Variants in ZNF425 observed in about 807,000 individuals in gnomAD.
The protein encoded by ZNF425 is zinc finger protein 425.
A neutral mutation model predicts 17.0 loss-of-function variants in ZNF425; 21 were observed. The observed-to-expected ratio is 1.23, with a 90% confidence interval of 0.88 to 1.78. The LOEUF (loss-of-function observed/expected upper bound fraction) is 1.78, where lower values mean the gene tolerates loss of function less well. ZNF425 is among the 40% of genes most tolerant of loss of function. The pLI, the probability that ZNF425 is intolerant of heterozygous loss-of-function variation, is 0.00. For synonymous variants in ZNF425, 433 were observed against 384.1 expected (o/e 1.13, Z -1.49); for missense variants, 868 against 967.3 (o/e 0.90, Z 1.36).
rs1222456718 is a variant in ZNF425 at position 149,103,989 on chromosome 7, G to C, written c.1882C>G (p.His628Asp). ...TFRLKGNLKS[H>D]LLQHSGQKPF... is the part of the protein sequence containing the mutation. ...TTTTGGCCACTGTGCTGCAGCAGGT[G>C]GCTTTTCAGGTTTCCCTTGAGGCGG... The change falls in exon 4 of 4, where the codon CAC (histidine) becomes GAC (aspartate). Residue 628 changes from histidine to aspartate, a missense_variant. His to Asp is a moderately conservative substitution (Grantham distance 81, BLOSUM62 -1). Transcript: ENST00000378061. 6.2e-7 allele frequency: 1 copy of C among 1,613,986 alleles called. No individual in the cohort carries two copies. The highest frequency in any genetic ancestry group is 8.5e-7 in the Non-Finnish European group (1 of 1,179,864).
At chr7:149,124,079 C>T (rs1051249991) in intron 1 of ZNF425, among the ~76,000 whole-genome samples, 1 of 147,434 alleles carries the variant, frequency 6.8e-6, no homozygotes, top group East Asian at 2.0e-4. Context: ...GATCTCCTGA[C>T]CTCGTGATCC....
chr7:149,123,895 T>C (rs1826404593), intron 1 of ZNF425, among the ~76,000 whole-genome samples: 1 of 149,088 alleles, frequency 6.7e-6, no homozygotes. Flanking sequence ...TCGCCCAGAC[T>C]GGAGAGCAGT....
At chr7:149,120,605 A>T (rs1826334063) in intron 1 of ZNF425, among the ~76,000 whole-genome samples, 1 of 152,212 alleles carries the variant, frequency 6.6e-6, no homozygotes, top group Non-Finnish European at 1.5e-5. Flanking sequence ...GTTTAGATAC[A>T]CAAATACTTA....
At chr7:149,114,404 TCTCA>T (rs1826225195) in intron 2 of ZNF425, among the ~76,000 whole-genome samples, 2 of 131,354 alleles carry the variant, frequency 1.5e-5, no homozygotes, top group Admixed American at 8.4e-5. Flanking sequence ...TGAAATGGAG[TCTCA>T]CTCTGTCACC....
intron 2 of ZNF425, among the ~76,000 whole-genome samples, chr7:149,114,848 T>A (rs1826234210): frequency 1.3e-5 from 2 of 149,570 alleles, no homozygotes; most frequent in South Asian, 4.2e-4. Flanking sequence ...GGAACTTCAA[T>A]CACTAAACTT....
At chr7:149,108,316 A>G (rs75483116) in intron 3 of ZNF425, among the ~76,000 whole-genome samples, 6,817 of 152,228 alleles carry the variant, frequency 0.045, 518 homozygotes, top group African/African-American at 0.15. Flanking sequence ...GACTCTCATT[A>G]TGCTCTGTGG....
intron 3 of ZNF425, among the ~76,000 whole-genome samples, chr7:149,106,818 T>G (rs549147707): frequency 6.6e-6 from 1 of 152,066 alleles, no homozygotes; most frequent in Admixed American, 6.6e-5. Context: ...GGCAAATATT[T>G]AAAGAGGTGG....
At position 149,104,063 on chromosome 7, in the gene ZNF425, A is replaced by C; in HGVS notation, c.1808T>G (p.Leu603Arg). Reference sequence around the variant, plus strand: ...CTGGTAGGGCTTCTCTCCACTGTGCAGCCTCAGGTGCTCGGTGAGCTGAGA... The same window carrying C: ...CTGGTAGGGCTTCTCTCCACTGTGCCGCCTCAGGTGCTCGGTGAGCTGAGA... ...HQSQLTEHLR[L>R]HSGEKPYQCP... Residue 603 changes from leucine (L) to arginine (R), a missense_variant, in exon 4 of 4, where the codon CTG becomes CGG. By Grantham distance (102) the Leu-to-Arg change is moderately radical (BLOSUM62 -2). This residue lies in a region of ZNF425 where 437 missense variants were observed against 444.2 expected (regional missense o/e 0.98). Coordinates refer to ENST00000378061, the MANE Select transcript of ZNF425 (RefSeq NM_001001661.3). The surrounding 1 kb of genome is among the most constrained non-coding windows in gnomAD (Gnocchi z 4.3). 6.2e-7 allele frequency: 1 copy of C among 1,613,478 alleles called. No homozygotes were observed. Among genetic ancestry groups the C allele is most frequent in the Middle Eastern group, 1.6e-4 (1 of 6,062 alleles).
chr7:149,103,637 G>A lies in ZNF425; in HGVS notation c.2234C>T (p.Ala745Val). 2.5e-6 allele frequency: 4 copies of A among 1,609,734 alleles called. No individual in the cohort carries two copies. Among genetic ancestry groups the A allele is most frequent in the South Asian group, 1.1e-5 (1 of 90,478 alleles). ...GALKTHIAVH[A>V]KEKPSSL is the part of the protein sequence containing the mutation. ...CTAGAGGCTGGAGGGCTTCTCTTTG[G>A]CATGCACTGCAATGTGGGTCTTGAG... The change falls in exon 4 of 4, where the codon GCC (alanine) becomes GTC (valine). Residue 745 changes from alanine (A) to valine (V), a missense_variant. By Grantham distance (64) the Ala-to-Val change is moderately conservative. This residue lies in a region of ZNF425 where 437 missense variants were observed against 444.2 expected (regional missense o/e 0.98). Coordinates refer to ENST00000378061, the MANE Select transcript of ZNF425 (RefSeq NM_001001661.3).
chr7:149,106,219 C>G (rs1172246037), intron 3 of ZNF425, among the ~76,000 whole-genome samples: 2 of 151,906 alleles, frequency 1.3e-5, no homozygotes, highest in African/African-American at 2.4e-5. Flanking sequence ...TCCCAAAGTG[C>G]TGGGATTACA....
At chr7:149,120,229 AAAGTT>A (rs1325507859) in intron 1 of ZNF425, among the ~76,000 whole-genome samples, 2 of 152,142 alleles carry the variant, frequency 1.3e-5, no homozygotes, top group Admixed American at 6.6e-5. Context: ...TAAAAATACA[AAAGTT>A]AGCCGGGCAT....
chr7:149,123,395 G>T (rs983320752), intron 1 of ZNF425, among the ~76,000 whole-genome samples: 5 of 152,148 alleles, frequency 3.3e-5, no homozygotes, highest in African/African-American at 4.8e-5. Flanking sequence ...CCCAATAAGA[G>T]AATCTAGGAG....
intron 3 of ZNF425, 111 bp from the exon 4 acceptor site, chr7:149,105,677 G>A: frequency 5.8e-6 from 4 of 688,446 alleles, no homozygotes; most frequent in Non-Finnish European, 7.9e-6. Flanking sequence ...TTGCGATAGA[G>A]TCTCGCTCTG....
intron 1 of ZNF425, among the ~76,000 whole-genome samples, chr7:149,121,518 A>G (rs1362150332): frequency 1.3e-5 from 2 of 151,770 alleles, no homozygotes; most frequent in African/African-American, 4.9e-5. Context: ...CAGCCTCACG[A>G]GCAGCTGGAA....
chr7:149,103,863 C>G lies in ZNF425; in HGVS notation c.2008G>C (p.Glu670Gln). Residue 670 changes from glutamate to glutamine, a missense_variant, in exon 4 of 4, where the codon GAG (glutamate) becomes CAG (glutamine). Glu to Gln is a conservative substitution (Grantham distance 29). This residue lies in a region of ZNF425 where 437 missense variants were observed against 444.2 expected (regional missense o/e 0.98). Transcript: ENST00000378061. Reference sequence around the variant, plus strand: ...CTGATGCAGTAGCTCTTGTCACACTCCGGACACTGGAAGGGCTTCTCCCCG... The same window carrying G: ...CTGATGCAGTAGCTCTTGTCACACTGCGGACACTGGAAGGGCTTCTCCCCG... ...HSGEKPFQCP[E>Q]CDKSYCIRGS... 6.2e-7 allele frequency: 1 copy of G among 1,614,068 alleles called. No homozygotes were observed. The highest frequency in any genetic ancestry group is 8.5e-7 in the Non-Finnish European group (1 of 1,180,014).
Position 149,118,366 on chromosome 7 carries a change from A to G in ZNF425, c.19-18T>C. On this transcript the variant is annotated intron_variant, in intron 1 of 3. Coordinates refer to ENST00000378061, the MANE Select transcript of ZNF425 (RefSeq NM_001001661.3). The stretch of plus-strand genomic sequence containing the variant: ...ACAGTTACCTGGAATCACAAATAGT[A>G]TACACATACATTTTTACTTTACGGC... The G allele has an allele frequency of 1.2e-6, 2 of 1,613,196 alleles. No individual in the cohort carries two copies. Among genetic ancestry groups the G allele is most frequent in the Non-Finnish European group, 1.7e-6 (2 of 1,179,368 alleles).
rs1028294340 is a variant in ZNF425 at position 149,119,352 on chromosome 7, G to A, written c.19-1004C>T. On this transcript the variant is annotated intron_variant, in intron 1 of 3. Coordinates refer to ENST00000378061, the MANE Select transcript of ZNF425 (RefSeq NM_001001661.3). ...AAAAATTAGCTGGGTGTGGTGGCAC[G>A]CCTGGATTAAGGCACGAGCCACTAC... Among the ~76,000 whole-genome samples the A allele has an allele frequency of 1.1e-4, 17 of 152,108 alleles. No individual in the cohort carries two copies. The East Asian group carries it at 3.1e-3, about 28-fold the overall frequency.
At chr7:149,125,726 C>CA (rs1285519493) in intron 1 of ZNF425, 3 of 215,208 alleles carry the variant, frequency 1.4e-5, no homozygotes, top group African/African-American at 7.1e-5. Context: ...GGCTGGAGGG[C>CA]AGTGGCTATT....
At chr7:149,111,313 C>T (rs183578098) in intron 3 of ZNF425, among the ~76,000 whole-genome samples, 269 of 150,880 alleles carry the variant, frequency 1.8e-3, no homozygotes, top group African/African-American at 6.0e-3. Context: ...AGCCGGGTGT[C>T]GGGCGCGGTG....
Sources: allele counts gnomAD v4.1 joint callset (sites outside exome capture counted in the v4.1 genomes callset), GRCh38; gene constraint gnomAD v4.1.1; regional missense constraint gnomAD v4.1.1; non-coding constraint Gnocchi (gnomAD v3.1); transcripts MANE v1.5; gene names NCBI Gene and HGNC (gene_info 2026-07-23, HGNC 2026-07-21).